Variants in RANBP2 observed in about 807,000 individuals in gnomAD.
RANBP2 encodes the protein RAN binding protein 2.
In RANBP2, 57 loss-of-function variants were observed where a neutral mutation model predicts 303.6. That is an observed-to-expected ratio of 0.19 (90% CI 0.15 to 0.23). RANBP2 has a LOEUF of 0.23. Ranked by LOEUF, RANBP2 falls within the 10% of genes least tolerant of loss-of-function variation. The pLI is 1.00. For synonymous variants in RANBP2, 1,167 were observed against 1,301.5 expected (o/e 0.90, Z 2.23); for missense variants, 3,138 against 3,780.8 (o/e 0.83, Z 4.46).
At chr2:109,034,546 G>A in the RANBP2 span, among the ~76,000 whole-genome samples, 2 of 152,206 alleles carry the variant, frequency 1.3e-5, no homozygotes, top group Non-Finnish European at 2.9e-5. Context: ...GGGAGGCACA[G>A]TGAGGCAAAA....
At chr2:109,105,882 C>G in the RANBP2 span, among the ~76,000 whole-genome samples, 10 of 139,798 alleles carry the variant, frequency 7.2e-5, no homozygotes, top group Non-Finnish European at 1.4e-4. Flanking sequence ...GAAATGGAAT[C>G]ACGCTCTGTC....
chr2:109,646,045 G>A, the RANBP2 span, among the ~76,000 whole-genome samples: 17 of 152,178 alleles, frequency 1.1e-4, no homozygotes, highest in Admixed American at 5.9e-4. Flanking sequence ...GAGCTCTACC[G>A]GCTGGGGCCG....
chr2:108,787,037 C>G (rs993189974), downstream of RANBP2: 3 of 525,328 alleles, frequency 5.7e-6, no homozygotes, highest in Non-Finnish European at 8.9e-6. Flanking sequence ...GCACTCCCGC[C>G]GTGGCTGCGG....
the RANBP2 span, among the ~76,000 whole-genome samples, chr2:109,500,117 T>G: frequency 6.6e-6 from 1 of 152,184 alleles, no homozygotes. Context: ...TCGATTCTTT[T>G]GGCTGCCGTG....
the RANBP2 span, among the ~76,000 whole-genome samples, chr2:108,940,022 C>T: frequency 1.0e-3 from 156 of 152,330 alleles, no homozygotes; most frequent in South Asian, 2.1e-3. Flanking sequence ...TTGAAAGACA[C>T]GCTACTAGAA....
At chr2:108,744,006 T>C (rs928729773) in intron 7 of RANBP2, among the ~76,000 whole-genome samples, 10 of 152,236 alleles carry the variant, frequency 6.6e-5, no homozygotes, top group African/African-American at 2.4e-4. Context: ...CTAACTTTTA[T>C]GGCAAGATTT....
chr2:109,391,908 C>T, the RANBP2 span, among the ~76,000 whole-genome samples: 1 of 151,874 alleles, frequency 6.6e-6, no homozygotes, highest in African/African-American at 2.4e-5. Context: ...GGCGTGACCT[C>T]TCAGGCTCAA....
At chr2:109,572,609 CTTTTTTT>C in the RANBP2 span, among the ~76,000 whole-genome samples, 15 of 111,224 alleles carry the variant, frequency 1.3e-4, no homozygotes, top group East Asian at 5.2e-4. Flanking sequence ...TTTAAAACAA[CTTTTTTT>C]TTTTTTTTTT....
the RANBP2 span, among the ~76,000 whole-genome samples, chr2:109,764,154 A>T: frequency 6.7e-6 from 1 of 150,176 alleles, no homozygotes; most frequent in Non-Finnish European, 1.5e-5. Context: ...CTCTAATTCC[A>T]CTTCCAGTTT....
downstream of RANBP2, among the ~76,000 whole-genome samples, chr2:108,790,168 C>G (rs1679671381): frequency 6.6e-6 from 1 of 152,050 alleles, no homozygotes; most frequent in East Asian, 1.9e-4. Context: ...ATTACTATTT[C>G]ATGTTGCACT....
the RANBP2 span, among the ~76,000 whole-genome samples, chr2:109,040,080 C>G: frequency 6.8e-3 from 1,038 of 152,224 alleles, 6 homozygotes; most frequent in East Asian, 0.035. Context: ...GGCTTTACTA[C>G]TTTTTTCTAT....
the RANBP2 span, among the ~76,000 whole-genome samples, chr2:109,454,363 T>A: frequency 6.6e-6 from 1 of 152,150 alleles, no homozygotes; most frequent in Non-Finnish European, 1.5e-5. Context: ...TCCTGAAGGG[T>A]CTGGGCCATT....
the RANBP2 span, among the ~76,000 whole-genome samples, chr2:108,813,448 A>G: frequency 2.6e-5 from 4 of 152,090 alleles, no homozygotes; most frequent in African/African-American, 9.7e-5. Flanking sequence ...TGAAAACAAA[A>G]CTATTATATT....
chr2:108,764,735 C>T lies in RANBP2; in HGVS notation c.4196C>T (p.Thr1399Ile), dbSNP rs748957001. 3 of 1,614,024 alleles carry T rather than the reference C, an allele frequency of 1.9e-6. No individual in the cohort carries two copies. The highest frequency in any genetic ancestry group is 2.2e-5 in the East Asian group (1 of 44,884). Residue 1399 changes from threonine to isoleucine, a missense_variant, in exon 20 of 29, where the codon ACC becomes ATC. Thr to Ile is a moderately conservative substitution (Grantham distance 89). Around this residue, in one of 20 missense-constraint regions of RANBP2, gnomAD observed 388 missense variants for 328.5 expected, o/e 1.18. Transcript: ENST00000283195. The stretch of plus-strand genomic sequence containing the variant: ...GCTGAAACTGTTTTTACTCCTAAAA[C>T]CAGCCCAGAGAATGTTCAAGATCGA... ...PLAETVFTPK[T>I]SPENVQDRFA...
At chr2:109,574,725 G>T in the RANBP2 span, 1 of 1,601,766 alleles carries the variant, frequency 6.2e-7, no homozygotes. Flanking sequence ...CTTGGAGATA[G>T]GCCTCAAACT....
the RANBP2 span, among the ~76,000 whole-genome samples, chr2:109,241,745 G>A: frequency 1.3e-5 from 2 of 151,652 alleles, no homozygotes; most frequent in African/African-American, 2.4e-5. Flanking sequence ...CCCACCCTGC[G>A]TGTTTCCCTA....
At chr2:109,457,604 G>A in the RANBP2 span, among the ~76,000 whole-genome samples, 1 of 152,214 alleles carries the variant, frequency 6.6e-6, no homozygotes, top group Non-Finnish European at 1.5e-5. Context: ...TGGCTGGGGC[G>A]AGCGATGCAC....
At chr2:108,828,599 A>C in the RANBP2 span, among the ~76,000 whole-genome samples, 2 of 152,238 alleles carry the variant, frequency 1.3e-5, no homozygotes, top group African/African-American at 4.8e-5. Context: ...CAGTGGAGGA[A>C]GGACAGTCTT....
At chr2:108,963,001 GA>G in the RANBP2 span, among the ~76,000 whole-genome samples, 1 of 152,162 alleles carries the variant, frequency 6.6e-6, no homozygotes, top group Non-Finnish European at 1.5e-5. Flanking sequence ...CCTTGCCAGG[GA>G]CATCTGCACC....
Sources: gnomAD v4.1 joint callset for allele counts (sites outside exome capture counted in the v4.1 genomes callset) on GRCh38, gnomAD v4.1.1 for gene constraint, gnomAD v4.1.1 regional missense constraint, MANE v1.5 for transcripts, NCBI Gene and HGNC (gene_info 2026-07-23, HGNC 2026-07-21) for gene names.